The following LRP1B variants were observed in gnomAD, a reference collection of about 807,000 sequenced individuals.
LRP1B encodes the protein LDL receptor related protein 1B, also known as low-density lipoprotein receptor-related protein 1B.
Under a neutral mutation model 556.6 loss-of-function variants are expected in LRP1B, and 217 were observed. The ratio of observed to expected loss-of-function variants is 0.39; its 90% CI spans 0.35 to 0.44. The LOEUF (loss-of-function observed/expected upper bound fraction) is 0.44. Among genes scored for constraint, LRP1B ranks in the 20% least tolerant of loss-of-function variants. The pLI is 1.00. For synonymous variants in LRP1B, 2,047 were observed against 1,865.8 expected (o/e 1.10, Z -2.50); for missense variants, 5,053 against 5,620.8 (o/e 0.90, Z 3.23).
At chr2:141,698,492 T>C (rs1338283497) in intron 2 of LRP1B, among the ~76,000 whole-genome samples, 1 of 100,882 alleles carries the variant, frequency 9.9e-6, no homozygotes. Flanking sequence ...TGTTGTACAC[T>C]TAAAAAAAAA....
chr2:140,842,242 T>C (rs1318072707), intron 29 of LRP1B, among the ~76,000 whole-genome samples: 1 of 152,204 alleles, frequency 6.6e-6, no homozygotes, highest in Non-Finnish European at 1.5e-5. Context: ...CTGTAAAGTA[T>C]GCCAACTAGT....
At chr2:140,358,783 T>C (rs996263081) in intron 73 of LRP1B, 38 bp downstream of exon 73, 4 of 1,599,066 alleles carry the variant, frequency 2.5e-6, no homozygotes, top group African/African-American at 2.7e-5. Flanking sequence ...GAGAACCTCA[T>C]AGCCATCACT....
intron 77 of LRP1B, among the ~76,000 whole-genome samples, chr2:140,345,767 C>T (rs528414139): frequency 4.1e-4 from 50 of 121,902 alleles, no homozygotes; most frequent in Non-Finnish European, 6.0e-4. Context: ...TACATATATA[C>T]ACATATATAT....
chr2:140,409,679 C>G (rs1249667302), intron 66 of LRP1B, among the ~76,000 whole-genome samples: 1 of 145,812 alleles, frequency 6.9e-6, no homozygotes, highest in Non-Finnish European at 1.5e-5. Context: ...TTCATGTAAT[C>G]TTCTCAGCAA....
chr2:140,263,983 A>G (rs1212997460), intron 86 of LRP1B, among the ~76,000 whole-genome samples: 2 of 152,030 alleles, frequency 1.3e-5, no homozygotes, highest in African/African-American at 4.8e-5. Context: ...GGCTTACACA[A>G]CAAGTTTATC....
chr2:140,502,488 T>C (rs1689240922), intron 54 of LRP1B, among the ~76,000 whole-genome samples: 1 of 151,980 alleles, frequency 6.6e-6, no homozygotes, highest in Non-Finnish European at 1.5e-5. Flanking sequence ...TTCTGTAATA[T>C]GTGATTATAT....
intron 1 of LRP1B, among the ~76,000 whole-genome samples, chr2:142,109,913 A>C (rs1706903321): frequency 1.3e-5 from 2 of 152,168 alleles, no homozygotes; most frequent in East Asian, 1.9e-4. Context: ...AAGAGAAAAT[A>C]ATAGCATCAG....
At chr2:141,661,085 G>A (rs1690202526) in intron 2 of LRP1B, among the ~76,000 whole-genome samples, 1 of 152,166 alleles carries the variant, frequency 6.6e-6, no homozygotes, top group African/African-American at 2.4e-5. Context: ...CCCGATGGAA[G>A]AGGGACCTGA....
rs532231906 is a variant in LRP1B at position 141,390,370 on chromosome 2, G to A, written c.343+90026C>T. Among the ~76,000 whole-genome samples the A allele has an allele frequency of 2.0e-5, 3 of 152,250 alleles. No homozygotes were observed. In the South Asian group the frequency reaches 6.2e-4, roughly 32 times the overall value. Reference sequence around the variant, plus strand: ...GGTAGGAGACTAAAATGTTTCACCTGGAGTAAAAAACGTTTGGCACTCCCT... The same window carrying A: ...GGTAGGAGACTAAAATGTTTCACCTAGAGTAAAAAACGTTTGGCACTCCCT... On this transcript the variant is annotated intron_variant, in intron 3 of 90. Coordinates refer to ENST00000389484, the MANE Select transcript of LRP1B (RefSeq NM_018557.3).
At chr2:141,351,751 G>A (rs59541565) in intron 3 of LRP1B, among the ~76,000 whole-genome samples, 4,079 of 152,054 alleles carry the variant, frequency 0.027, 195 homozygotes, top group African/African-American at 0.093. Flanking sequence ...GGAGATTAAA[G>A]AGGAGCATCT....
chr2:140,247,153 G>T lies in LRP1B; in HGVS notation c.13257C>A (p.Thr4419=), dbSNP rs377352035. ...TTTCACACTGTGTGCCTGACCAGTT[G>T]GTGGAGCATCTAAAAATATCCAAAC... is the stretch of plus-strand genomic sequence containing the variant. ...ETNVPVCLCS[T]NWSGTQCERP... The change falls in exon 87 of 91, where the codon ACC becomes ACA. Residue 4419 remains threonine (T), a synonymous_variant. Coordinates refer to ENST00000389484, the MANE Select transcript of LRP1B (RefSeq NM_018557.3). 1.2e-6 allele frequency: 2 copies of T among 1,607,802 alleles called. No homozygotes were observed. The highest frequency in any genetic ancestry group is 1.7e-6 in the Non-Finnish European group (2 of 1,175,402).
rs147735009 is a variant in LRP1B, at chr2:140,866,177, T to C, written c.4579+1413A>G. 3.9e-5 allele frequency among the ~76,000 whole-genome samples: 6 copies of C among 152,232 alleles called. No individual in the cohort carries two copies. In the East Asian group the frequency reaches 9.7e-4, roughly 24 times the overall value. On this transcript the variant is annotated intron_variant, in intron 27 of 90. Transcript: ENST00000389484. ...AATCTGAGGGACAAAAATACAGTTG[T>C]GTAAATAATTTTGCACTTGAAATAA...
At chr2:140,929,307 A>G (rs1051218804) in intron 20 of LRP1B, among the ~76,000 whole-genome samples, 7 of 152,254 alleles carry the variant, frequency 4.6e-5, no homozygotes, top group African/African-American at 1.7e-4. Flanking sequence ...ACTGTCCTGG[A>G]CTTGGGGATT....
intron 2 of LRP1B, among the ~76,000 whole-genome samples, chr2:141,632,496 C>T (rs571645107): frequency 1.2e-4 from 19 of 152,192 alleles, no homozygotes; most frequent in South Asian, 1.2e-3. Flanking sequence ...GGAGGCATTT[C>T]GACAGACGAG....
intron 1 of LRP1B, among the ~76,000 whole-genome samples, chr2:142,082,180 A>C (rs560937140): frequency 6.6e-6 from 1 of 152,198 alleles, no homozygotes; most frequent in Admixed American, 6.5e-5. Context: ...GAAGAAAATA[A>C]ATGAGATTAT....
rs1417956845 is a variant in LRP1B at position 141,793,116 on chromosome 2, AC to A, written c.205+17162del. ...TTGTACATTACACATTGTGAAAAAAACATTCCTTTTTTCTCTATTCATAGTC... is the reference window on the plus strand; with the variant it reads ...TTGTACATTACACATTGTGAAAAAAAATTCCTTTTTTCTCTATTCATAGTC... On this transcript the variant is annotated intron_variant, in intron 2 of 90. Transcript: ENST00000389484. Among the ~76,000 whole-genome samples, 21 of 151,938 alleles carry A rather than the reference AC, an allele frequency of 1.4e-4. 1 individual carries two copies. The highest frequency in any genetic ancestry group is 7.2e-4 in the Admixed American group (11 of 15,194).
intron 2 of LRP1B, among the ~76,000 whole-genome samples, chr2:141,743,200 G>A (rs535352880): frequency 1.3e-4 from 19 of 151,998 alleles, no homozygotes; most frequent in Non-Finnish European, 2.4e-4. Context: ...ATCATATGGT[G>A]TTTGTCCTTC....
chr2:140,666,628 A>T (rs890737543), intron 41 of LRP1B, among the ~76,000 whole-genome samples: 5 of 152,190 alleles, frequency 3.3e-5, no homozygotes, highest in African/African-American at 1.2e-4. Context: ...AAGCATTCTG[A>T]TGTAATCAAG....
intron 2 of LRP1B, among the ~76,000 whole-genome samples, chr2:141,673,390 C>G (rs1488687315): frequency 6.6e-6 from 1 of 152,194 alleles, no homozygotes; most frequent in Non-Finnish European, 1.5e-5. Flanking sequence ...TCCTACTCTA[C>G]AAGAAAAATC....
Sources: gnomAD v4.1 joint callset for allele counts (sites outside exome capture counted in the v4.1 genomes callset) on GRCh38, gnomAD v4.1.1 for gene constraint, MANE v1.5 for transcripts, NCBI Gene and HGNC (gene_info 2026-07-23, HGNC 2026-07-21) for gene names.